Variants in RPS6KA5 observed in about 807,000 individuals in gnomAD.
RPS6KA5 encodes the protein ribosomal protein S6 kinase A5.
A neutral mutation model predicts 85.5 loss-of-function variants in RPS6KA5; 27 were observed. That is an observed-to-expected ratio of 0.32 (90% CI 0.23 to 0.44). The LOEUF (loss-of-function observed/expected upper bound fraction) is 0.44. Among genes scored for constraint, RPS6KA5 ranks in the 20% least tolerant of loss-of-function variants. RPS6KA5 has a pLI of 1.00. For missense variants in RPS6KA5, 811 were observed against 980.9 expected (o/e 0.83, Z 2.31); for synonymous variants, 334 against 348.2 (o/e 0.96, Z 0.46).
intron 1 of RPS6KA5, among the ~76,000 whole-genome samples, chr14:91,036,321 A>C (rs1182505951): frequency 1.3e-5 from 2 of 152,182 alleles, no homozygotes; most frequent in African/African-American, 4.8e-5. Flanking sequence ...GGAAGAAGAG[A>C]GTATGTTTTG....
At chr14:90,925,941 C>CAAAAAAAAAAAAAAAA (rs71117389) in intron 5 of RPS6KA5, among the ~76,000 whole-genome samples, 2 of 73,524 alleles carry the variant, frequency 2.7e-5, no homozygotes, top group Non-Finnish European at 5.0e-5. Flanking sequence ...GACCCTGACT[C>CAAAAAAAAAAAAAAAA]AAAAAAAAAA....
chr14:90,934,169 T>C (rs1008592257), intron 5 of RPS6KA5, among the ~76,000 whole-genome samples: 4 of 152,190 alleles, frequency 2.6e-5, no homozygotes, highest in Admixed American at 6.5e-5. Context: ...TGCTCATTCA[T>C]TGCAAGATCT....
At chr14:90,983,276 C>CA (rs562999325) in intron 2 of RPS6KA5, among the ~76,000 whole-genome samples, 561 of 66,294 alleles carry the variant, frequency 8.5e-3, no homozygotes, top group South Asian at 0.029. Context: ...GACTCCATCT[C>CA]AAAAAAAAAA....
intron 14 of RPS6KA5, among the ~76,000 whole-genome samples, chr14:90,887,311 G>T (rs1036717347): frequency 6.6e-6 from 1 of 152,122 alleles, no homozygotes; most frequent in Non-Finnish European, 1.5e-5. Context: ...CTCCCAAGTA[G>T]CTGGGACTAC....
intron 1 of RPS6KA5, among the ~76,000 whole-genome samples, chr14:91,018,703 A>T (rs1255929585): frequency 1.3e-5 from 2 of 152,106 alleles, no homozygotes; most frequent in African/African-American, 4.8e-5. Flanking sequence ...CACAGACTGA[A>T]GGCTGCACAG....
chr14:91,006,300 G>C (rs1167067471), intron 1 of RPS6KA5, among the ~76,000 whole-genome samples: 3 of 152,108 alleles, frequency 2.0e-5, no homozygotes, highest in African/African-American at 4.8e-5. Context: ...AACATACATA[G>C]TAGTTAGCTA....
chr14:90,880,206 C>T (rs1365075003), intron 14 of RPS6KA5, among the ~76,000 whole-genome samples: 1 of 152,104 alleles, frequency 6.6e-6, no homozygotes, highest in African/African-American at 2.4e-5. Context: ...CGGTATGCAA[C>T]CATCATCACC....
rs982467002 is a variant in RPS6KA5, at chr14:90,848,068, C to T, written c.*24006G>A. 10 of 152,148 alleles carry T rather than the reference C, an allele frequency of 6.6e-5. No homozygotes were observed. The highest frequency in any genetic ancestry group is 2.4e-4 in the African/African-American group (10 of 41,414). The allele number at this position is 152,148 out of a possible 1,614,324, so 9.4% of individuals were successfully genotyped here. On this transcript the variant is annotated 3_prime_UTR_variant, in exon 17 of 17. Transcript: ENST00000614987. Reference sequence around the variant, plus strand: ...TGATTCATGTGTGTTTTCAACACAGCTCAACAACTCATTCCGATCTACCCA... The same window carrying T: ...TGATTCATGTGTGTTTTCAACACAGTTCAACAACTCATTCCGATCTACCCA...
intron 12 of RPS6KA5, among the ~76,000 whole-genome samples, chr14:90,897,583 T>C (rs909969713): frequency 7.9e-5 from 12 of 152,160 alleles, no homozygotes; most frequent in African/African-American, 2.9e-4. Flanking sequence ...ACATTACAAC[T>C]GCATATTAGA....
chr14:90,887,727 C>T (rs946814312), intron 14 of RPS6KA5, among the ~76,000 whole-genome samples: 2 of 150,480 alleles, frequency 1.3e-5, no homozygotes, highest in East Asian at 1.9e-4. Context: ...GAGGCCGAGG[C>T]GGGAGGATCA....
intron 1 of RPS6KA5, among the ~76,000 whole-genome samples, chr14:91,030,612 A>C (rs949935996): frequency 1.4e-4 from 3 of 21,258 alleles, no homozygotes; most frequent in African/African-American, 8.6e-4. Flanking sequence ...AAATAAACAG[A>C]AAAAAAAAAA....
intron 4 of RPS6KA5, among the ~76,000 whole-genome samples, chr14:90,945,908 C>T (rs755725118): frequency 6.1e-4 from 93 of 152,044 alleles, no homozygotes; most frequent in Non-Finnish European, 8.5e-4. Context: ...GAGATTGACA[C>T]GAGAGGATCA....
chr14:90,894,213 C>CA (rs1357790108), intron 13 of RPS6KA5, 200 bp downstream of exon 13: 3 of 1,218,268 alleles, frequency 2.5e-6, no homozygotes, highest in Non-Finnish European at 2.0e-6. Context: ...GATCAGCTGG[C>CA]AAAAAATAAA....
chr14:91,052,668 CAA>C (rs562901431), intron 1 of RPS6KA5, among the ~76,000 whole-genome samples: 6 of 97,768 alleles, frequency 6.1e-5, no homozygotes, highest in Non-Finnish European at 4.6e-5. Context: ...ACTAAAAGTA[CAA>C]AAAAAAAAAA....
chr14:90,934,979 C>A (rs1426156273), intron 5 of RPS6KA5, among the ~76,000 whole-genome samples: 2 of 152,162 alleles, frequency 1.3e-5, no homozygotes, highest in African/African-American at 4.8e-5. Flanking sequence ...CTTAAAATAA[C>A]TAAATTATCC....
At chr14:90,981,389 C>G (rs2039783817) in intron 2 of RPS6KA5, among the ~76,000 whole-genome samples, 1 of 152,142 alleles carries the variant, frequency 6.6e-6, no homozygotes, top group African/African-American at 2.4e-5. Flanking sequence ...GGAGGTCCCA[C>G]TGATATGTTG....
intron 7 of RPS6KA5, among the ~76,000 whole-genome samples, chr14:90,908,560 G>C (rs1036760317): frequency 1.3e-5 from 2 of 152,208 alleles, no homozygotes; most frequent in Non-Finnish European, 2.9e-5. Flanking sequence ...TCAGTGATGT[G>C]AGGAGGTTCT....
chr14:91,036,053 A>G (rs536384098), intron 1 of RPS6KA5, among the ~76,000 whole-genome samples: 1 of 152,092 alleles, frequency 6.6e-6, no homozygotes, highest in African/African-American at 2.4e-5. Context: ...ACAGGACTCA[A>G]AAAAGAAACA....
chr14:90,917,765 T>C (rs1221096653), intron 7 of RPS6KA5, among the ~76,000 whole-genome samples: 1 of 151,920 alleles, frequency 6.6e-6, no homozygotes, highest in Non-Finnish European at 1.5e-5. Context: ...TCTTGCTACA[T>C]TGCCCAGGCT....
Sources: gnomAD v4.1 joint callset for allele counts (sites outside exome capture counted in the v4.1 genomes callset) on GRCh38, gnomAD v4.1.1 for gene constraint, MANE v1.5 for transcripts, NCBI Gene and HGNC (gene_info 2026-07-23, HGNC 2026-07-21) for gene names.